The following CFTR variants were observed in gnomAD, a reference collection of about 807,000 sequenced individuals.
CFTR encodes the protein CF transmembrane conductance regulator.
Under a neutral mutation model 171.6 loss-of-function variants are expected in CFTR, and 181 were observed. That is an observed-to-expected ratio of 1.05 (90% CI 0.93 to 1.19). The LOEUF (loss-of-function observed/expected upper bound fraction) is 1.19, where lower values mean the gene tolerates loss of function less well. Ranked by LOEUF, CFTR falls within the 50% of genes most tolerant of loss-of-function variation. CFTR has a pLI of 0.00. For missense variants in CFTR, 1,968 were observed against 1,734.7 expected (o/e 1.13, Z -2.39); for synonymous variants, 583 against 608.0 (o/e 0.96, Z 0.60).
chr7:117,518,213 A>C (rs1012277082), intron 3 of CFTR, among the ~76,000 whole-genome samples: 1 of 150,752 alleles, frequency 6.6e-6, no homozygotes, highest in Admixed American at 6.6e-5. Context: ...CTTTTCACCA[A>C]TTTAAATATA....
rs1029021855 is a variant in CFTR, at chr7:117,622,810, C to T, written c.3469-4712C>T. ...AAAGCCTGTAAGCCTCCTCTTCCCT[C>T]CTTGTCACACAAAGTGACAAAGAAA... On this transcript the variant is annotated intron_variant, in intron 21 of 26. Transcript: ENST00000003084. 3.3e-5 allele frequency among the ~76,000 whole-genome samples: 5 copies of T among 152,238 alleles called. No homozygotes were observed. The East Asian group carries it at 9.7e-4, about 29-fold the overall frequency.
chr7:117,531,040 C>T lies in CFTR; in HGVS notation c.415C>T (p.His139Tyr), dbSNP rs1196059484. Residue 139 changes from histidine (H) to tyrosine (Y), a missense_variant, in exon 4 of 27, where the codon CAC (histidine) becomes TAC (tyrosine). His to Tyr is a moderately conservative substitution (Grantham distance 83). Transcript: ENST00000003084. ...CTTTATTGTGAGGACACTGCTCCTA[C>T]ACCCAGCCATTTTTGGCCTTCATCA... ...LLFIVRTLLL[H>Y]PAIFGLHHIG... 6.2e-7 allele frequency: 1 copy of T among 1,613,796 alleles called. No homozygotes were observed. Among genetic ancestry groups the T allele is most frequent in the South Asian group, 1.1e-5 (1 of 91,054 alleles).
At chr7:117,555,778 A>G (rs1438951007) in intron 10 of CFTR, among the ~76,000 whole-genome samples, 1 of 152,330 alleles carries the variant, frequency 6.6e-6, no homozygotes, top group East Asian at 1.9e-4. Context: ...CAGTGCAGCT[A>G]TGCCAGCAGG....
chr7:117,612,051 A>ATG (rs1792414141), intron 20 of CFTR, among the ~76,000 whole-genome samples: 4 of 69,958 alleles, frequency 5.7e-5, no homozygotes, highest in Non-Finnish European at 8.7e-5. Flanking sequence ...ATATATATAT[A>ATG]TACATATATA....
chr7:117,484,787 T>A (rs1798046600), intron 1 of CFTR, among the ~76,000 whole-genome samples: 1 of 151,856 alleles, frequency 6.6e-6, no homozygotes, highest in Non-Finnish European at 1.5e-5. Flanking sequence ...TAAAAAGTTC[T>A]CCTTTGTTTT....
intron 6 of CFTR, among the ~76,000 whole-genome samples, chr7:117,536,121 G>A (rs973552865): frequency 6.6e-6 from 1 of 152,210 alleles, no homozygotes; most frequent in South Asian, 2.1e-4. Flanking sequence ...ACTTACACAA[G>A]TCACTGCTTA....
chr7:117,637,226 T>TG (rs1792840228), intron 22 of CFTR, among the ~76,000 whole-genome samples: 1 of 151,874 alleles, frequency 6.6e-6, no homozygotes, highest in South Asian at 2.1e-4. Flanking sequence ...AATGGTGTTT[T>TG]TTTTTTTTTG....
Position 117,541,952 on chromosome 7 carries a change from G to A in CFTR, c.1117-64G>A, listed in dbSNP as rs1035954246. The A allele has an allele frequency of 6.7e-6, 5 of 746,592 alleles. No individual in the cohort carries two copies. The highest frequency in any genetic ancestry group is 1.2e-5 in the Non-Finnish European group (5 of 409,740). 46.2% of individuals were successfully genotyped at this position (746,592 alleles called of 1,614,324 possible). ...TGTAGCACAATGAGAGTATAAAGTA[G>A]ATGTAATAATGCATTAATGCTATTC... On this transcript the variant is annotated intron_variant, in intron 8 of 26. Transcript: ENST00000003084.
intron 10 of CFTR, among the ~76,000 whole-genome samples, chr7:117,554,585 A>G (rs957240294): frequency 1.3e-5 from 2 of 152,066 alleles, no homozygotes; most frequent in African/African-American, 4.8e-5. Context: ...ATAAGATTCT[A>G]AAGGAAAGAG....
rs750558115 is a variant in CFTR, at chr7:117,627,771, G to A, written c.3717+1G>A. 5 of 1,610,080 alleles carry A rather than the reference G, an allele frequency of 3.1e-6. No homozygotes were observed. In the South Asian group the frequency reaches 3.3e-5, roughly 11 times the overall value. Reference sequence around the variant, plus strand: ...CTTCTCAATAAGTCCTGGCCAGAGGGTGAGATTTGAACACTGCTTGCTTTG... The same window carrying A: ...CTTCTCAATAAGTCCTGGCCAGAGGATGAGATTTGAACACTGCTTGCTTTG... On this transcript the variant is annotated splice_donor_variant, in intron 22 of 26. Transcript: ENST00000003084. LOFTEE classifies it high-confidence loss of function.
chr7:117,547,713 T>C (rs1799169589), intron 9 of CFTR, among the ~76,000 whole-genome samples: 1 of 152,148 alleles, frequency 6.6e-6, no homozygotes, highest in African/African-American at 2.4e-5. Context: ...CATTCTCTCA[T>C]GGTCCCTTTG....
rs1265244783 is a variant in CFTR at position 117,530,984 on chromosome 7, C to T, written c.359C>T (p.Ala120Val). The stretch of plus-strand genomic sequence containing the variant: ...GATAACAAGGAGGAACGCTCTATCG[C>T]GATTTATCTAGGCATAGGCTTATGC... Reference protein sequence around the residue: ...DPDNKEERSIAIYLGIGLCLL... With the variant: ...DPDNKEERSIVIYLGIGLCLL... The change falls in exon 4 of 27, where the codon GCG (alanine) becomes GTG (valine). Residue 120 changes from alanine (A) to valine (V), a missense_variant. Ala to Val is a moderately conservative substitution (Grantham distance 64). Transcript: ENST00000003084. The T allele has an allele frequency of 1.2e-5, 19 of 1,613,578 alleles. No homozygotes were observed. Among genetic ancestry groups the T allele is most frequent in the Non-Finnish European group, 1.6e-5 (19 of 1,179,668 alleles).
At chr7:117,645,939 T>G (rs1198437637) in intron 23 of CFTR, among the ~76,000 whole-genome samples, 2 of 152,140 alleles carry the variant, frequency 1.3e-5, no homozygotes, top group Non-Finnish European at 1.5e-5. Flanking sequence ...TCTTACTAAG[T>G]TTTCTGTCCC....
At chr7:117,538,007 G>GT (rs1798986037) in intron 7 of CFTR, among the ~76,000 whole-genome samples, 2 of 152,064 alleles carry the variant, frequency 1.3e-5, no homozygotes, top group Admixed American at 6.6e-5. Flanking sequence ...ATTTTACTTT[G>GT]TTTTTTGTTG....
intron 5 of CFTR, among the ~76,000 whole-genome samples, chr7:117,534,757 A>G (rs1048899680): frequency 6.6e-6 from 1 of 152,210 alleles, no homozygotes; most frequent in Non-Finnish European, 1.5e-5. Context: ...TTATCTTTGC[A>G]TATCCATTAC....
At chr7:117,533,442 T>G (rs1230050940) in intron 4 of CFTR, among the ~76,000 whole-genome samples, 2 of 152,180 alleles carry the variant, frequency 1.3e-5, no homozygotes, top group Non-Finnish European at 2.9e-5. Flanking sequence ...ATTTAGTTAT[T>G]TATATACTAG....
intron 15 of CFTR, among the ~76,000 whole-genome samples, chr7:117,596,089 C>T (rs911600719): frequency 2.0e-5 from 3 of 152,188 alleles, no homozygotes; most frequent in Non-Finnish European, 4.4e-5. Context: ...ACTGTGGGAG[C>T]CCCTTTCTGG....
rs1357935866 is a variant in CFTR at position 117,627,674 on chromosome 7, G to A, written c.3621G>A (p.Gly1207=). 4 of 1,613,188 alleles carry A rather than the reference G, an allele frequency of 2.5e-6. No individual in the cohort carries two copies. The African/African-American group carries it at 4.0e-5, about 16-fold the overall frequency. ...HVKKDDIWPS[G]GQMTVKDLTA... The stretch of plus-strand genomic sequence containing the variant: ...AGAAAGATGACATCTGGCCCTCAGG[G>A]GGCCAAATGACTGTCAAAGATCTCA... The change falls in exon 22 of 27, where the codon GGG becomes GGA. Residue 1207 remains glycine, a synonymous_variant. Coordinates refer to ENST00000003084, the MANE Select transcript of CFTR (RefSeq NM_000492.4).
Position 117,663,905 on chromosome 7 carries a change from G to C in CFTR, c.3964-783G>C, listed in dbSNP as rs561874141. Among the ~76,000 whole-genome samples the C allele has an allele frequency of 2.6e-5, 4 of 151,780 alleles. No homozygotes were observed. In the South Asian group the frequency reaches 8.3e-4, roughly 32 times the overall value. On this transcript the variant is annotated intron_variant, in intron 24 of 26. Transcript: ENST00000003084. The stretch of plus-strand genomic sequence containing the variant: ...AACTTTGTCATATTTTTATAGAATG[G>C]GTTTCTATATCTCATTTGCATTTTC...
Sources: allele counts gnomAD v4.1 joint callset (sites outside exome capture counted in the v4.1 genomes callset), GRCh38; gene constraint gnomAD v4.1.1; transcripts MANE v1.5; gene names NCBI Gene and HGNC (gene_info 2026-07-23, HGNC 2026-07-21).